The following RBFOX1 variants were observed in gnomAD, a reference collection of about 807,000 sequenced individuals.
RBFOX1 encodes the protein RNA binding fox-1 homolog 1.
A neutral mutation model predicts 57.7 loss-of-function variants in RBFOX1; 8 were observed. The observed-to-expected ratio is 0.14, with a 90% confidence interval of 0.08 to 0.25. The LOEUF is 0.25. RBFOX1 is among the 10% of genes least tolerant of loss of function. RBFOX1 has a pLI of 1.00. For synonymous variants in RBFOX1, 326 were observed against 222.4 expected, an observed-to-expected ratio of 1.47 and a Z score of -4.15; for missense variants, 611 against 548.5, an observed-to-expected ratio of 1.11 and a Z score of -1.14.
chr16:6,215,472 G>A (rs1401813529), intron 1 of RBFOX1, among the ~76,000 whole-genome samples: 3 of 151,830 alleles, frequency 2.0e-5, no homozygotes, highest in African/African-American at 7.3e-5. Context: ...GAGAGGGGGA[G>A]AGGGAGAGAA....
intron 1 of RBFOX1, among the ~76,000 whole-genome samples, chr16:6,036,875 A>G (rs577858818): frequency 3.9e-5 from 6 of 152,356 alleles, no homozygotes; most frequent in African/African-American, 1.4e-4. Context: ...CAAAAAAGTA[A>G]GAGCCCATCT....
intron 2 of RBFOX1, among the ~76,000 whole-genome samples, chr16:6,572,278 A>T (rs992613886): frequency 3.9e-5 from 6 of 152,242 alleles, no homozygotes; most frequent in African/African-American, 1.4e-4. Context: ...GACATAGAGA[A>T]TAAACCCATG....
At chr16:7,160,342 A>AT (rs201863251) in intron 4 of RBFOX1, among the ~76,000 whole-genome samples, 10 of 151,328 alleles carry the variant, frequency 6.6e-5, no homozygotes, top group Non-Finnish European at 1.3e-4. Flanking sequence ...TAAAATGGCA[A>AT]TGAAAAAGTA....
chr16:7,244,092 C>A (rs1445142339), intron 4 of RBFOX1, among the ~76,000 whole-genome samples: 3 of 151,776 alleles, frequency 2.0e-5, no homozygotes, highest in African/African-American at 7.3e-5. Flanking sequence ...CTTTTATTTT[C>A]TGTTTCTTAG....
At chr16:7,419,027 C>G (rs1288704096) in intron 4 of RBFOX1, among the ~76,000 whole-genome samples, 1 of 152,142 alleles carries the variant, frequency 6.6e-6, no homozygotes, top group East Asian at 1.9e-4. Context: ...ACTTCAGCCC[C>G]TGGAGTAGCT....
intron 3 of RBFOX1, among the ~76,000 whole-genome samples, chr16:5,810,754 T>C (rs531714381): frequency 1.3e-5 from 2 of 152,336 alleles, no homozygotes; most frequent in African/African-American, 4.8e-5. Context: ...TGTTCACTAC[T>C]GAGCCTCCTG....
chr16:6,049,033 C>A (rs1596685317), intron 1 of RBFOX1, among the ~76,000 whole-genome samples: 2 of 151,154 alleles, frequency 1.3e-5, no homozygotes, highest in Admixed American at 6.6e-5. Context: ...TGACGATCGA[C>A]CCCTTACATC....
rs566129513 is a variant in RBFOX1 at position 5,848,909 on chromosome 16, A to G, written c.319-18394A>G. ...GGTTGCAGTGAGCCGAGATCATGCCACTGCACTTCAGCCTGGGTGACAGGG... is the reference window on the plus strand; with the variant it reads ...GGTTGCAGTGAGCCGAGATCATGCCGCTGCACTTCAGCCTGGGTGACAGGG... On this transcript the variant is annotated intron_variant, in intron 3 of 19. Transcript: ENST00000641259. Among the ~76,000 whole-genome samples, 26 of 152,232 alleles carry G rather than the reference A, an allele frequency of 1.7e-4. No homozygotes were observed. In the South Asian group the frequency reaches 4.8e-3, roughly 28 times the overall value.
At chr16:7,422,112 CTG>C (rs1249286882) in intron 4 of RBFOX1, among the ~76,000 whole-genome samples, 1 of 152,086 alleles carries the variant, frequency 6.6e-6, no homozygotes, top group Non-Finnish European at 1.5e-5. Flanking sequence ...TTGGTCGAGC[CTG>C]TGATTCTGGG....
intron 2 of RBFOX1, among the ~76,000 whole-genome samples, chr16:6,606,056 C>T (rs2097920912): frequency 6.6e-6 from 1 of 152,018 alleles, no homozygotes; most frequent in Non-Finnish European, 1.5e-5. Context: ...TTGCAATGAG[C>T]CGAGATCACG....
chr16:5,452,167 G>A (rs1422404829), intron 1 of RBFOX1, among the ~76,000 whole-genome samples: 3 of 144,020 alleles, frequency 2.1e-5, no homozygotes, highest in Admixed American at 1.4e-4. Context: ...CGCCTAGGCT[G>A]GAGTGCAGTG....
At chr16:6,434,159 C>T (rs749693891) in intron 2 of RBFOX1, among the ~76,000 whole-genome samples, 1 of 151,988 alleles carries the variant, frequency 6.6e-6, no homozygotes, top group Non-Finnish European at 1.5e-5. Flanking sequence ...CTTCTAAGGG[C>T]ACTTGTGATA....
intron 3 of RBFOX1, among the ~76,000 whole-genome samples, chr16:6,900,094 T>C (rs895000865): frequency 6.6e-6 from 1 of 152,192 alleles, no homozygotes; most frequent in Non-Finnish European, 1.5e-5. Flanking sequence ...GAACAGTTCC[T>C]GGCACATGAA....
At chr16:6,491,684 G>C (rs868563822) in intron 2 of RBFOX1, among the ~76,000 whole-genome samples, 4 of 152,324 alleles carry the variant, frequency 2.6e-5, no homozygotes, top group Middle Eastern at 6.8e-3. Context: ...CTATGAGGCA[G>C]ATGTGATTGT....
At chr16:6,933,879 G>A (rs2076952699) in intron 3 of RBFOX1, among the ~76,000 whole-genome samples, 1 of 152,138 alleles carries the variant, frequency 6.6e-6, no homozygotes, top group Admixed American at 6.5e-5. Context: ...ATTTTGTTTT[G>A]TCAAAACAAA....
At chr16:6,654,481 A>G in intron 2 of RBFOX1, 122 bp from the exon 3 acceptor site, 3 of 758,070 alleles carry the variant, frequency 4.0e-6, no homozygotes, top group Non-Finnish European at 6.2e-6. Context: ...AGAAAGAACT[A>G]TTAGGAGCAT....
At chr16:6,032,460 G>A (rs962233589) in intron 1 of RBFOX1, among the ~76,000 whole-genome samples, 1 of 152,188 alleles carries the variant, frequency 6.6e-6, no homozygotes, top group Non-Finnish European at 1.5e-5. Context: ...CCACTCCAGG[G>A]AGAAAGAGGC....
At chr16:6,362,809 T>C (rs1332438752) in intron 2 of RBFOX1, among the ~76,000 whole-genome samples, 4 of 152,208 alleles carry the variant, frequency 2.6e-5, no homozygotes, top group Non-Finnish European at 5.9e-5. Context: ...ACACTGGCAG[T>C]GCAACTTCAT....
At position 5,831,130 on chromosome 16, in the gene RBFOX1, C is replaced by T. The variant is rs542393206; in HGVS notation, c.319-36173C>T. On this transcript the variant is annotated intron_variant, in intron 3 of 19. Transcript: ENST00000641259. ...AGGCATTTGATGTGGTTTGGATCTG[C>T]GTTCCGACCACATCTCATATTAAAA... 1.1e-3 allele frequency among the ~76,000 whole-genome samples: 165 copies of T among 152,234 alleles called. 1 individual carries two copies. The highest frequency in any genetic ancestry group is 2.0e-3 in the Admixed American group (31 of 15,284).
Sources: gnomAD v4.1 joint callset for allele counts (sites outside exome capture counted in the v4.1 genomes callset) on GRCh38, gnomAD v4.1.1 for gene constraint, MANE v1.5 for transcripts, NCBI Gene and HGNC (gene_info 2026-07-23, HGNC 2026-07-21) for gene names.